The following ARB2A variants were observed in gnomAD, a reference collection of about 807,000 sequenced individuals.
ARB2A encodes ARB2 cotranscriptional regulator A.
the ARB2A span, among the ~76,000 whole-genome samples, chr5:93,690,774 G>A: frequency 1.3e-5 from 2 of 152,156 alleles, no homozygotes; most frequent in Non-Finnish European, 2.9e-5. Context: ...TCTCCCAGCA[G>A]GGGTTGATAG....
the ARB2A span, among the ~76,000 whole-genome samples, chr5:93,867,118 A>G: frequency 6.6e-6 from 1 of 152,200 alleles, no homozygotes; most frequent in African/African-American, 2.4e-5. Flanking sequence ...CTTAGTTCTA[A>G]TGTTAAATTT....
At chr5:94,044,110 G>A in the ARB2A span, among the ~76,000 whole-genome samples, 2 of 152,180 alleles carry the variant, frequency 1.3e-5, no homozygotes, top group Admixed American at 6.5e-5. Context: ...GAAAAAACAA[G>A]AGGGTTGGGT....
the ARB2A span, among the ~76,000 whole-genome samples, chr5:93,967,030 A>AT: frequency 6.6e-6 from 1 of 151,654 alleles, no homozygotes; most frequent in African/African-American, 2.4e-5. Flanking sequence ...AAAAAAAAAC[A>AT]TTTTCTAATT....
the ARB2A span, among the ~76,000 whole-genome samples, chr5:93,834,958 G>C: frequency 3.9e-5 from 6 of 152,158 alleles, no homozygotes; most frequent in Non-Finnish European, 7.4e-5. Flanking sequence ...TTCCACATTA[G>C]AGTGCATTTT....
chr5:93,743,158 T>A, the ARB2A span: 1 of 152,172 alleles, frequency 6.6e-6, no homozygotes, highest in Non-Finnish European at 1.5e-5. Context: ...GTTGCAGATA[T>A]GGCCTTGAAG....
At chr5:93,784,480 T>C in the ARB2A span, 1 of 1,612,568 alleles carries the variant, frequency 6.2e-7, no homozygotes, top group South Asian at 1.1e-5. Context: ...ATTTTTTACA[T>C]CGGCTTCTCG....
chr5:93,977,293 G>C, the ARB2A span, among the ~76,000 whole-genome samples: 4 of 151,578 alleles, frequency 2.6e-5, no homozygotes, highest in Non-Finnish European at 5.9e-5. Context: ...AAGTAGTCAA[G>C]CCAAACCTAA....
chr5:93,779,378 T>C, the ARB2A span, among the ~76,000 whole-genome samples: 2 of 152,224 alleles, frequency 1.3e-5, no homozygotes, highest in Non-Finnish European at 1.5e-5. Context: ...GCTTTTCTAA[T>C]ACTTACGTGT....
At chr5:93,869,935 T>C in the ARB2A span, among the ~76,000 whole-genome samples, 1 of 152,354 alleles carries the variant, frequency 6.6e-6, no homozygotes, top group South Asian at 2.1e-4. Context: ...CCAGGTGAAA[T>C]AAACAGCCTT....
At chr5:93,675,163 ATTAT>A in the ARB2A span, among the ~76,000 whole-genome samples, 1 of 152,168 alleles carries the variant, frequency 6.6e-6, no homozygotes, top group Non-Finnish European at 1.5e-5. Flanking sequence ...GAAAATGATT[ATTAT>A]TAAAACAAAC....
the ARB2A span, among the ~76,000 whole-genome samples, chr5:93,921,477 T>C: frequency 6.6e-6 from 1 of 152,102 alleles, no homozygotes; most frequent in East Asian, 1.9e-4. Flanking sequence ...AAGCAACTTC[T>C]GCCAACCAAG....
At chr5:94,069,577 C>T in the ARB2A span, among the ~76,000 whole-genome samples, 2 of 152,130 alleles carry the variant, frequency 1.3e-5, no homozygotes, top group East Asian at 1.9e-4. Context: ...GGAAATCAAA[C>T]AATTCAGCAG....
the ARB2A span, among the ~76,000 whole-genome samples, chr5:93,777,333 G>C: frequency 6.6e-6 from 1 of 151,930 alleles, no homozygotes; most frequent in East Asian, 1.9e-4. Flanking sequence ...ATCACCATCT[G>C]GTGAGTTGTA....
the ARB2A span, among the ~76,000 whole-genome samples, chr5:94,042,819 T>C: frequency 2.0e-5 from 3 of 152,182 alleles, no homozygotes; most frequent in African/African-American, 4.8e-5. Flanking sequence ...AAATGGTGTT[T>C]AACTTTCTTT....
the ARB2A span, among the ~76,000 whole-genome samples, chr5:94,071,452 A>G: frequency 6.6e-6 from 1 of 152,080 alleles, no homozygotes; most frequent in African/African-American, 2.4e-5. Flanking sequence ...AGAGGGTGAA[A>G]GACAAGCTAC....
the ARB2A span, among the ~76,000 whole-genome samples, chr5:94,079,720 T>C: frequency 1.1e-4 from 16 of 152,210 alleles, no homozygotes; most frequent in African/African-American, 3.4e-4. Context: ...CAAAACTATC[T>C]TAGTATATTT....
the ARB2A span, chr5:93,733,204 C>CA: frequency 6.7e-4 from 93 of 138,868 alleles, no homozygotes; most frequent in African/African-American, 2.4e-3. Flanking sequence ...CTTTTCTTTC[C>CA]TTTTTTTTTT....
At chr5:93,740,678 G>T in the ARB2A span, 1 of 1,613,952 alleles carries the variant, frequency 6.2e-7, no homozygotes, top group South Asian at 1.1e-5. Flanking sequence ...GGGAGCCCCA[G>T]TCCCAGGTGA....
At chr5:94,058,343 T>A in the ARB2A span, among the ~76,000 whole-genome samples, 1 of 151,954 alleles carries the variant, frequency 6.6e-6, no homozygotes, top group African/African-American at 2.4e-5. Context: ...CTGGTATCTA[T>A]GAAAAATGAT....
Sources: gnomAD v4.1 joint callset for allele counts (sites outside exome capture counted in the v4.1 genomes callset) on GRCh38, gnomAD v4.1.1 for gene constraint, MANE v1.5 for transcripts, NCBI Gene and HGNC (gene_info 2026-07-23, HGNC 2026-07-21) for gene names.